Variants in KCNN2 observed in about 807,000 individuals in gnomAD.
KCNN2 encodes the protein small conductance calcium-activated potassium channel protein 2.
A neutral mutation model predicts 55.5 loss-of-function variants in KCNN2; 24 were observed. The observed-to-expected ratio is 0.43, with a 90% CI of 0.31 to 0.61. The LOEUF is 0.61. Among genes scored for constraint, KCNN2 ranks in the 20% least tolerant of loss-of-function variants. KCNN2 has a pLI of 0.08. For synonymous variants in KCNN2, 431 were observed against 336.1 expected, an observed-to-expected ratio of 1.28 and a Z score of -3.09; for missense variants, 754 against 853.6, an observed-to-expected ratio of 0.88 and a Z score of 1.45.
intron 5 of KCNN2, among the ~76,000 whole-genome samples, chr5:114,481,304 C>T (rs1377390546): frequency 6.6e-6 from 1 of 152,080 alleles, no homozygotes. Flanking sequence ...AAATGAAGGA[C>T]CTCTTCAAGG....
intron 3 of KCNN2, among the ~76,000 whole-genome samples, chr5:114,443,442 T>C (rs370582124): frequency 8.5e-5 from 13 of 152,352 alleles, no homozygotes; most frequent in African/African-American, 3.1e-4. Flanking sequence ...TGTTCATTGT[T>C]CTCATGTAGA....
intron 2 of KCNN2, among the ~76,000 whole-genome samples, chr5:114,263,662 A>G (rs1303749506): frequency 6.6e-6 from 1 of 152,200 alleles, no homozygotes; most frequent in African/African-American, 2.4e-5. Flanking sequence ...AATTTTTTAT[A>G]AAATATAGAA....
At chr5:114,184,933 G>T (rs944658700) in intron 1 of KCNN2, among the ~76,000 whole-genome samples, 2 of 152,152 alleles carry the variant, frequency 1.3e-5, no homozygotes, top group East Asian at 1.9e-4. Context: ...AATCATTTTA[G>T]CTGTCTTGTT....
rs185691774 is a variant in KCNN2 at position 114,210,475 on chromosome 5, A to C, written c.-270-11005A>C. On this transcript the variant is annotated intron_variant, in intron 1 of 10. Transcript: ENST00000512097. ...TTTATGAAATATAGCTGCTGCAAATAATGAGAATTCACTGTGTATACAAGC... is the reference window on the plus strand; with the variant it reads ...TTTATGAAATATAGCTGCTGCAAATCATGAGAATTCACTGTGTATACAAGC... 2.1e-3 allele frequency among the ~76,000 whole-genome samples: 317 copies of C among 152,276 alleles called. 1 individual carries two copies. The highest frequency in any genetic ancestry group is 7.1e-3 in the African/African-American group (294 of 41,556).
chr5:114,099,887 A>T (rs1249202977), intron 1 of KCNN2, among the ~76,000 whole-genome samples: 2 of 151,816 alleles, frequency 1.3e-5, no homozygotes, highest in African/African-American at 2.4e-5. Context: ...TATAAAGAAA[A>T]GTTTTTATTT....
chr5:114,290,582 A>T (rs909311892), intron 2 of KCNN2, among the ~76,000 whole-genome samples: 2 of 151,642 alleles, frequency 1.3e-5, no homozygotes, highest in Non-Finnish European at 2.9e-5. Flanking sequence ...TCTTGTCACT[A>T]TTCTCTAATT....
chr5:114,292,252 A>G (rs566347495), intron 2 of KCNN2, among the ~76,000 whole-genome samples: 1 of 152,236 alleles, frequency 6.6e-6, no homozygotes, highest in Non-Finnish European at 1.5e-5. Context: ...TGTTTTAGAC[A>G]TGAAGTCCTT....
chr5:114,343,459 A>G (rs1384972192), intron 2 of KCNN2, among the ~76,000 whole-genome samples: 1 of 152,200 alleles, frequency 6.6e-6, no homozygotes, highest in Non-Finnish European at 1.5e-5. Context: ...CTGTGACTTA[A>G]CTAAAATAAG....
intron 1 of KCNN2, among the ~76,000 whole-genome samples, chr5:114,108,609 T>C (rs2632147): frequency 0.019 from 2,862 of 152,186 alleles, 108 homozygotes; most frequent in African/African-American, 0.065. Context: ...AAAGGAATAA[T>C]ACATCTGTAT....
chr5:114,110,047 C>T (rs1190888353), intron 1 of KCNN2, among the ~76,000 whole-genome samples: 1 of 152,072 alleles, frequency 6.6e-6, no homozygotes, highest in African/African-American at 2.4e-5. Context: ...CTTGCCCTTC[C>T]TCCATGTGAG....
At chr5:114,131,664 G>T (rs1258327673) in intron 1 of KCNN2, among the ~76,000 whole-genome samples, 1 of 152,176 alleles carries the variant, frequency 6.6e-6, no homozygotes, top group Non-Finnish European at 1.5e-5. Flanking sequence ...GGATTGCTGG[G>T]TCAAATGGTA....
intron 2 of KCNN2, among the ~76,000 whole-genome samples, chr5:114,243,679 G>A (rs1422479997): frequency 1.3e-5 from 2 of 152,220 alleles, no homozygotes; most frequent in East Asian, 3.9e-4. Flanking sequence ...GTCTTACTGT[G>A]CCTAATTTAT....
intron 1 of KCNN2, among the ~76,000 whole-genome samples, chr5:114,194,373 C>G (rs1189111819): frequency 1.3e-5 from 2 of 151,894 alleles, no homozygotes; most frequent in African/African-American, 4.8e-5. Flanking sequence ...TGTTGTCTGT[C>G]TTTTTTATTA....
chr5:114,110,257 G>A (rs1005163684), intron 1 of KCNN2, among the ~76,000 whole-genome samples: 2 of 151,956 alleles, frequency 1.3e-5, no homozygotes, highest in African/African-American at 4.8e-5. Flanking sequence ...GGGCATAATA[G>A]CAATATAAAG....
intron 2 of KCNN2, among the ~76,000 whole-genome samples, chr5:114,243,052 A>T (rs904619438): frequency 2.0e-5 from 3 of 152,164 alleles, no homozygotes; most frequent in Non-Finnish European, 2.9e-5. Context: ...TCTAGTGGGG[A>T]TGTCAGAAAA....
intron 2 of KCNN2, among the ~76,000 whole-genome samples, chr5:114,293,432 T>TG (rs944216439): frequency 4.7e-4 from 72 of 152,360 alleles, no homozygotes; most frequent in African/African-American, 1.7e-3. Flanking sequence ...AGGCCATTTC[T>TG]GCATCTATTG....
chr5:114,288,782 T>C (rs1283631534), intron 2 of KCNN2, among the ~76,000 whole-genome samples: 1 of 152,178 alleles, frequency 6.6e-6, no homozygotes, highest in Non-Finnish European at 1.5e-5. Context: ...AGATATATGA[T>C]TTGCAAATAT....
chr5:114,073,821 A>G (rs1750625969), intron 1 of KCNN2, among the ~76,000 whole-genome samples: 1 of 152,242 alleles, frequency 6.6e-6, no homozygotes, highest in South Asian at 2.1e-4. Context: ...ATTTCAGGAC[A>G]GAAGAGAACA....
chr5:114,133,053 T>A (rs1403647040), intron 1 of KCNN2, among the ~76,000 whole-genome samples: 1 of 152,232 alleles, frequency 6.6e-6, no homozygotes, highest in Non-Finnish European at 1.5e-5. Flanking sequence ...TAGAATTATT[T>A]TAAAACCTGA....
Sources: allele counts gnomAD v4.1 joint callset (sites outside exome capture counted in the v4.1 genomes callset), GRCh38; gene constraint gnomAD v4.1.1; transcripts MANE v1.5; gene names NCBI Gene and HGNC (gene_info 2026-07-23, HGNC 2026-07-21).